MAN1C1: variants seen among roughly 807,000 people sequenced by gnomAD.
MAN1C1 encodes the protein mannosyl-oligosaccharide 1,2-alpha-mannosidase IC.
MAN1C1 carries 49 observed loss-of-function variants against 71.5 expected under a neutral mutation model. The observed-to-expected ratio is 0.69, with a 90% CI of 0.54 to 0.87. The LOEUF is 0.87. Among genes scored for constraint, MAN1C1 ranks in the 40% least tolerant of loss-of-function variants. The pLI, the probability that MAN1C1 is intolerant of heterozygous loss-of-function variation, is 0.00. For missense variants in MAN1C1, 743 were observed against 835.0 expected, an observed-to-expected ratio of 0.89 and a Z score of 1.36; for synonymous variants, 352 against 343.7, an observed-to-expected ratio of 1.02 and a Z score of -0.27.
At chr1:25,667,656 TTCTC>T (rs1269746684) in intron 1 of MAN1C1, among the ~76,000 whole-genome samples, 1 of 152,178 alleles carries the variant, frequency 6.6e-6, no homozygotes, top group Non-Finnish European at 1.5e-5. Flanking sequence ...GCTCGATCTT[TTCTC>T]TCTCCTGTGT....
intron 2 of MAN1C1, among the ~76,000 whole-genome samples, chr1:25,729,247 A>G (rs2046875918): frequency 1.3e-5 from 2 of 152,106 alleles, no homozygotes; most frequent in South Asian, 4.2e-4. Context: ...GCCTTTGCAC[A>G]TGCTGTGCTC....
At chr1:25,780,839 C>A in intron 9 of MAN1C1, 101 bp from the exon 10 acceptor site, 2 of 1,289,968 alleles carry the variant, frequency 1.6e-6, no homozygotes, top group Non-Finnish European at 2.2e-6. Context: ...CACCTGACAT[C>A]ACCCTGGCCG....
In MAN1C1 at chr1:25,622,057, G is replaced by A. The variant is rs193135488; in HGVS notation, c.540+3720G>A. On this transcript the variant is annotated intron_variant, in intron 1 of 11. Coordinates refer to ENST00000374332, the MANE Select transcript of MAN1C1 (RefSeq NM_020379.4). ...GTTGGGACTTGCCCTTGCCCATATG[G>A]TGTTTTCAAACAAACCACAGAAAGG... is the stretch of plus-strand genomic sequence containing the variant. 9.2e-4 allele frequency among the ~76,000 whole-genome samples: 140 copies of A among 152,268 alleles called. 3 individuals carry two copies. In the East Asian group the frequency reaches 0.018, roughly 20 times the overall value.
intron 1 of MAN1C1, among the ~76,000 whole-genome samples, chr1:25,623,183 C>A (rs572984576): frequency 1.3e-5 from 2 of 152,280 alleles, no homozygotes; most frequent in East Asian, 3.9e-4. Context: ...ATCCTCAGCC[C>A]AGCCATACGC....
intron 1 of MAN1C1, among the ~76,000 whole-genome samples, chr1:25,681,042 G>A (rs938754750): frequency 6.6e-6 from 1 of 151,754 alleles, no homozygotes; most frequent in African/African-American, 2.4e-5. Flanking sequence ...CCAACATGGA[G>A]AAACCCCTTC....
At chr1:25,717,173 C>A (rs1379878338) in intron 2 of MAN1C1, among the ~76,000 whole-genome samples, 1 of 152,032 alleles carries the variant, frequency 6.6e-6, no homozygotes, top group Admixed American at 6.6e-5. Context: ...GGTATATACC[C>A]AAAAGTGGAA....
rs948966215 is a variant in MAN1C1 at position 25,630,932 on chromosome 1, C to G, written c.540+12595C>G. Reference sequence around the variant, plus strand: ...TCTTGCCAGATTGCTCTGGCTAGGACTTCCAGTACTATGTTTTTGTTTGTT... The same window carrying G: ...TCTTGCCAGATTGCTCTGGCTAGGAGTTCCAGTACTATGTTTTTGTTTGTT... On this transcript the variant is annotated intron_variant, in intron 1 of 11. Coordinates refer to ENST00000374332, the MANE Select transcript of MAN1C1 (RefSeq NM_020379.4). 8.6e-5 allele frequency among the ~76,000 whole-genome samples: 13 copies of G among 151,650 alleles called. 1 individual carries two copies. Among genetic ancestry groups the G allele is most frequent in the African/African-American group, 3.1e-4 (13 of 41,344 alleles).
rs749988873 is a variant in MAN1C1 at position 25,617,830 on chromosome 1, G to A, written c.33G>A (p.Pro11=). The A allele has an allele frequency of 1.2e-6, 2 of 1,604,460 alleles. No individual in the cohort carries two copies. Among genetic ancestry groups the A allele is most frequent in the Non-Finnish European group, 1.7e-6 (2 of 1,176,642 alleles). Reference sequence around the variant, plus strand: ...TGAGGAAAGTGCCCGGCTTCGTCCCGGCCTCCCCGTGGGGGCTGCGGCTGC... The same window carrying A: ...TGAGGAAAGTGCCCGGCTTCGTCCCAGCCTCCCCGTGGGGGCTGCGGCTGC... The part of the protein sequence containing the change: MLMRKVPGFV[P]ASPWGLRLPQ... The change falls in exon 1 of 12, where the codon CCG becomes CCA. Residue 11 remains proline, a synonymous_variant. Coordinates refer to ENST00000374332, the MANE Select transcript of MAN1C1 (RefSeq NM_020379.4). The surrounding 1 kb of genome is among the most constrained non-coding windows in gnomAD (Gnocchi z 5.1).
At chr1:25,637,411 G>A (rs1395926726) in intron 1 of MAN1C1, among the ~76,000 whole-genome samples, 1 of 151,988 alleles carries the variant, frequency 6.6e-6, no homozygotes, top group Non-Finnish European at 1.5e-5. Context: ...AGTCCCTTAT[G>A]TTCAAAGAAC....
At chr1:25,750,289 G>A (rs566732586) in intron 4 of MAN1C1, among the ~76,000 whole-genome samples, 2 of 152,108 alleles carry the variant, frequency 1.3e-5, no homozygotes, top group African/African-American at 4.8e-5. Context: ...CTTCATCCCC[G>A]CTCCCGAGCT....
In MAN1C1 at chr1:25,711,476, G is replaced by C. The variant is rs1007191627; in HGVS notation, c.637+24940G>C. ...TTCTCATCTCCTCAGGCCAAAGCTG[G>C]ACATGCCTTTCCTGGGTTTGAGATA... On this transcript the variant is annotated intron_variant, in intron 2 of 11. Coordinates refer to ENST00000374332, the MANE Select transcript of MAN1C1 (RefSeq NM_020379.4). The surrounding 1 kb of genome is among the most constrained non-coding windows in gnomAD (Gnocchi z 4.3). Among the ~76,000 whole-genome samples the C allele has an allele frequency of 2.0e-5, 3 of 152,204 alleles. No homozygotes were observed. The highest frequency in any genetic ancestry group is 4.4e-5 in the Non-Finnish European group (3 of 68,032).
intron 2 of MAN1C1, among the ~76,000 whole-genome samples, chr1:25,692,568 A>G (rs1428215194): frequency 1.3e-5 from 2 of 152,036 alleles, no homozygotes; most frequent in African/African-American, 4.8e-5. Flanking sequence ...TAAATTACCC[A>G]TCTTATCCCC....
In MAN1C1 at chr1:25,753,628, C is replaced by T. The variant is rs760956645; in HGVS notation, c.929+50C>T. On this transcript the variant is annotated intron_variant, in intron 5 of 11. Transcript: ENST00000374332. This position sits in a 1 kb window ranked among gnomAD's most constrained non-coding sequence, Gnocchi z 4.9. Reference sequence around the variant, plus strand: ...TGGGGCTTTACTGCGACCATGCCCACCATTTGTGTTTTGTCTGGGTGGTGC... The same window carrying T: ...TGGGGCTTTACTGCGACCATGCCCATCATTTGTGTTTTGTCTGGGTGGTGC... 30 of 1,549,314 alleles carry T rather than the reference C, an allele frequency of 1.9e-5. No homozygotes were observed. The highest frequency in any genetic ancestry group is 2.6e-5 in the Non-Finnish European group (29 of 1,128,006).
intron 1 of MAN1C1, among the ~76,000 whole-genome samples, chr1:25,666,991 C>G (rs1008029721): frequency 1.3e-5 from 2 of 152,184 alleles, no homozygotes; most frequent in African/African-American, 4.8e-5. Context: ...TTTACAGGCC[C>G]CAGCAGGAAG....
Position 25,686,490 on chromosome 1 carries a change from C to T in MAN1C1, c.591C>T (p.Asn197=), listed in dbSNP as rs368461290. ...ATAAGCGTTATGCAATGGGGAAAAA[C>T]GAACTCCGTCCACTAACAAAAGATG... ...QSYKRYAMGK[N]ELRPLTKDGY... Residue 197 remains asparagine, a synonymous_variant, in exon 2 of 12, where the codon AAC becomes AAT. Coordinates refer to ENST00000374332, the MANE Select transcript of MAN1C1 (RefSeq NM_020379.4). The T allele has an allele frequency of 3.3e-5, 54 of 1,614,112 alleles. No homozygotes were observed. The highest frequency in any genetic ancestry group is 1.3e-4 in the African/African-American group (10 of 74,946).
rs1485449086 is a variant in MAN1C1, at chr1:25,746,003, A to G, written c.638-665A>G. 1.3e-5 allele frequency among the ~76,000 whole-genome samples: 2 copies of G among 151,510 alleles called. No individual in the cohort carries two copies. Among genetic ancestry groups the G allele is most frequent in the African/African-American group, 4.9e-5 (2 of 41,166 alleles). Reference sequence around the variant, plus strand: ...AAGATTCTGTCTCCAAAAAAAAAAGATTTTTGTATGCCAGGCTGGATGAGG... The same window carrying G: ...AAGATTCTGTCTCCAAAAAAAAAAGGTTTTTGTATGCCAGGCTGGATGAGG... On this transcript the variant is annotated intron_variant, in intron 2 of 11. Transcript: ENST00000374332. This position sits in a 1 kb window ranked among gnomAD's most constrained non-coding sequence, Gnocchi z 4.0.
chr1:25,657,151 G>A (rs1011245428), intron 1 of MAN1C1, among the ~76,000 whole-genome samples: 5 of 152,196 alleles, frequency 3.3e-5, no homozygotes, highest in African/African-American at 1.2e-4. Context: ...ACCAAGCAGG[G>A]GAAAGGTCTC....
intron 2 of MAN1C1, among the ~76,000 whole-genome samples, chr1:25,708,263 C>T (rs1359199989): frequency 1.3e-5 from 2 of 152,130 alleles, no homozygotes; most frequent in East Asian, 1.9e-4. Context: ...GAGGGTTCCT[C>T]CCTTTTTTAG....
At chr1:25,750,375 G>C (rs376566862) in intron 4 of MAN1C1, among the ~76,000 whole-genome samples, 19 of 152,268 alleles carry the variant, frequency 1.2e-4, no homozygotes, top group African/African-American at 4.1e-4. Context: ...GGTCAGTTCT[G>C]TTCCCCATTA....
Sources: gnomAD v4.1 joint callset for allele counts (sites outside exome capture counted in the v4.1 genomes callset) on GRCh38, gnomAD v4.1.1 for gene constraint, Gnocchi (gnomAD v3.1) non-coding constraint, MANE v1.5 for transcripts, NCBI Gene and HGNC (gene_info 2026-07-23, HGNC 2026-07-21) for gene names.